Variants in CSTPP1 observed in about 807,000 individuals in gnomAD.
CSTPP1 encodes the protein UPF0705 protein C11orf49.
the CSTPP1 span, among the ~76,000 whole-genome samples, chr11:47,092,829 C>A: frequency 6.6e-6 from 1 of 152,244 alleles, no homozygotes; most frequent in South Asian, 2.1e-4. Context: ...CTGGAACAGA[C>A]CCCTTACAAT....
chr11:47,161,306 A>AGGGTCTGGGGGCCAGTGGAGGC, the CSTPP1 span: 1 of 1,598,306 alleles, frequency 6.3e-7, no homozygotes, highest in Admixed American at 1.7e-5. Context: ...CTGCCAGGGA[A>AGGGTCTGGGGGCCAGTGGAGGC]GGGTCTGGGG....
the CSTPP1 span, among the ~76,000 whole-genome samples, chr11:47,088,784 G>T: frequency 6.6e-6 from 1 of 152,096 alleles, no homozygotes; most frequent in Non-Finnish European, 1.5e-5. Context: ...GACCTCAAGT[G>T]ATCCACCTGC....
chr11:47,114,024 A>G, the CSTPP1 span, among the ~76,000 whole-genome samples: 2 of 152,192 alleles, frequency 1.3e-5, no homozygotes, highest in African/African-American at 4.8e-5. Flanking sequence ...TAATTTTTGT[A>G]TAAGATGTAA....
At chr11:47,143,635 A>G in the CSTPP1 span, among the ~76,000 whole-genome samples, 3 of 152,172 alleles carry the variant, frequency 2.0e-5, no homozygotes, top group African/African-American at 7.2e-5. Flanking sequence ...TCCACCTCAC[A>G]TATTCCTGCA....
At chr11:47,144,872 T>C in the CSTPP1 span, among the ~76,000 whole-genome samples, 4 of 151,844 alleles carry the variant, frequency 2.6e-5, no homozygotes, top group African/African-American at 9.7e-5. Flanking sequence ...CAGAGTTCAG[T>C]AGGTTTAGGG....
At chr11:47,044,903 T>C in the CSTPP1 span, among the ~76,000 whole-genome samples, 551 of 152,292 alleles carry the variant, frequency 3.6e-3, 1 homozygote, top group African/African-American at 0.013. Context: ...AGTGAGATCC[T>C]GTCTCAAAAA....
the CSTPP1 span, among the ~76,000 whole-genome samples, chr11:47,014,756 G>A: frequency 6.8e-6 from 1 of 147,328 alleles, no homozygotes; most frequent in African/African-American, 2.5e-5. Flanking sequence ...AGGAAGGAAG[G>A]GAGGGAGGGA....
chr11:47,162,596 G>A, the CSTPP1 span, among the ~76,000 whole-genome samples: 2 of 152,172 alleles, frequency 1.3e-5, no homozygotes, highest in Admixed American at 6.6e-5. Context: ...GGATGCAGCT[G>A]TGAAAGACAG....
At chr11:47,160,849 C>T in the CSTPP1 span, 1 of 482,826 alleles carries the variant, frequency 2.1e-6, no homozygotes, top group Middle Eastern at 5.8e-4. Context: ...AGGTCACAAC[C>T]ACCACCTGGT....
the CSTPP1 span, among the ~76,000 whole-genome samples, chr11:47,058,169 A>G: frequency 6.6e-6 from 1 of 152,142 alleles, no homozygotes; most frequent in East Asian, 1.9e-4. Context: ...CCCTGTCTCT[A>G]CAAAAAATTT....
the CSTPP1 span, among the ~76,000 whole-genome samples, chr11:46,982,064 T>C: frequency 2.0e-5 from 3 of 152,208 alleles, no homozygotes; most frequent in East Asian, 5.8e-4. Flanking sequence ...ATAAATGATA[T>C]TGAACTTGAA....
chr11:47,097,330 G>T, the CSTPP1 span, among the ~76,000 whole-genome samples: 2 of 115,738 alleles, frequency 1.7e-5, no homozygotes, highest in African/African-American at 3.3e-5. Context: ...GAGGTGGGGG[G>T]GTCAGCCCTC....
At chr11:47,079,859 G>A in the CSTPP1 span, among the ~76,000 whole-genome samples, 16 of 146,518 alleles carry the variant, frequency 1.1e-4, no homozygotes, top group South Asian at 4.5e-4. Context: ...TTTGGGAGGC[G>A]GAGGCGAGTG....
the CSTPP1 span, among the ~76,000 whole-genome samples, chr11:46,975,166 G>A: frequency 2.6e-5 from 4 of 151,288 alleles, no homozygotes; most frequent in South Asian, 6.3e-4. Context: ...AATCCCAGCT[G>A]CTCAGGAGGC....
At chr11:46,987,161 A>G in the CSTPP1 span, 4 of 1,578,398 alleles carry the variant, frequency 2.5e-6, no homozygotes, top group South Asian at 4.4e-5. Context: ...CATTCTTTTT[A>G]AAATCTTTCT....
chr11:46,966,615 TAAAA>T, the CSTPP1 span, among the ~76,000 whole-genome samples: 1 of 148,430 alleles, frequency 6.7e-6, no homozygotes, highest in Non-Finnish European at 1.5e-5. Context: ...TGGTGTTTTA[TAAAA>T]AAAAAACAGC....
At chr11:46,938,161 A>G in the CSTPP1 span, among the ~76,000 whole-genome samples, 3 of 152,144 alleles carry the variant, frequency 2.0e-5, no homozygotes, top group Non-Finnish European at 4.4e-5. Flanking sequence ...GGCGTGAGCC[A>G]CTGCACATGG....
chr11:47,034,145 T>C, the CSTPP1 span, among the ~76,000 whole-genome samples: 1 of 151,768 alleles, frequency 6.6e-6, no homozygotes, highest in Admixed American at 6.6e-5. Context: ...TAAAAGGCAG[T>C]CCATTACCAG....
the CSTPP1 span, among the ~76,000 whole-genome samples, chr11:47,032,764 G>C: frequency 6.6e-6 from 1 of 151,988 alleles, no homozygotes; most frequent in Non-Finnish European, 1.5e-5. Flanking sequence ...TGTAGCATAA[G>C]GAAGAAGAGG....
Sources: allele counts gnomAD v4.1 joint callset (sites outside exome capture counted in the v4.1 genomes callset), GRCh38; gene constraint gnomAD v4.1.1; transcripts MANE v1.5; gene names NCBI Gene and HGNC (gene_info 2026-07-23, HGNC 2026-07-21).